The following KDM6A variants were observed in gnomAD, a reference collection of about 807,000 sequenced individuals.
KDM6A encodes lysine demethylase 6A.
KDM6A carries 11 observed loss-of-function variants against 117.6 expected under a neutral mutation model. The observed-to-expected ratio is 0.09, with a 90% confidence interval of 0.06 to 0.15. The LOEUF (loss-of-function observed/expected upper bound fraction) is 0.15, where lower values mean the gene tolerates loss of function less well. Ranked by LOEUF, KDM6A falls within the 10% of genes least tolerant of loss-of-function variation. KDM6A has a pLI of 1.00. For synonymous variants in KDM6A, 384 were observed against 396.1 expected (o/e 0.97, Z 0.36); for missense variants, 799 against 1,077.3 (o/e 0.74, Z 3.62).
intron 2 of KDM6A, among the ~76,000 whole-genome samples, chrX:44,888,383 GTT>G (rs1488687221): frequency 2.7e-5 from 3 of 112,232 alleles, no homozygotes; most frequent in Non-Finnish European, 5.6e-5. Context: ...TGTTTCACCA[GTT>G]TTGCCGTTTC....
At chrX:44,923,447 T>A (rs1969685326) in intron 2 of KDM6A, among the ~76,000 whole-genome samples, 1 of 109,531 alleles carries the variant, frequency 9.1e-6, no homozygotes, top group Non-Finnish European at 1.9e-5. Context: ...TCAGTCTTTT[T>A]CTTTGCTGTA....
chrX:45,002,856 T>TCCCCCCCCC (rs1165393624), intron 4 of KDM6A, among the ~76,000 whole-genome samples: 1 of 28,890 alleles, frequency 3.5e-5, no homozygotes, highest in African/African-American at 1.6e-4. Flanking sequence ...ATTCTTCCCC[T>TCCCCCCCCC]CCCCGCCCCC....
At position 44,961,329 on chromosome X, in the gene KDM6A, G is replaced by C. The variant is rs781622337; in HGVS notation, c.271G>C (p.Val91Leu). The C allele has an allele frequency of 8.3e-7, 1 of 1,204,289 alleles. No homozygotes were observed. Among genetic ancestry groups the C allele is most frequent in the African/African-American group, 1.8e-5 (1 of 57,104 alleles). Residue 91 changes from valine to leucine, a missense_variant, in exon 3 of 30, where the codon GTG becomes CTG. Physicochemically the swap from Val to Leu is conservative, Grantham distance 32 (BLOSUM62 1). Around this residue, in one of 8 missense-constraint regions of KDM6A, gnomAD observed 89 missense variants for 117.8 expected, o/e 0.76. Coordinates refer to ENST00000611820, the MANE Select transcript of KDM6A (RefSeq NM_001291415.2). ...TCTAATCTTAAAAGCTGAAGGAAAAGTGGAGTCTGATTTCTTTTGTCAATT... is the reference window on the plus strand; with the variant it reads ...TCTAATCTTAAAAGCTGAAGGAAAACTGGAGTCTGATTTCTTTTGTCAATT... ...ESLILKAEGK[V>L]ESDFFCQLGH...
rs1383220853 is a variant in KDM6A at position 45,110,056 on chromosome X, C to T, written c.4162-23C>T. 6 of 1,188,444 alleles carry T rather than the reference C, an allele frequency of 5.0e-6. No individual in the cohort carries two copies. In the Admixed American group the frequency reaches 6.5e-5, roughly 13 times the overall value. On this transcript the variant is annotated intron_variant, in intron 28 of 29. Transcript: ENST00000611820. ...TAAATACCACTATCTCTATTGAATA[C>T]GTTTTTCTCTTGTATAAAACAGGTG...
At position 44,873,973 on chromosome X, in the gene KDM6A, G is replaced by A. The variant is rs2031158793; in HGVS notation, c.211G>A (p.Ala71Thr). The change falls in exon 2 of 30, where the codon GCC becomes ACC. Residue 71 changes from alanine to threonine, a missense_variant. Physicochemically the swap from Ala to Thr is moderately conservative, Grantham distance 58 (BLOSUM62 0). Transcript: ENST00000611820. ...TCATGAAGATGGCGCCAGGACGAAG[G>A]CCCTACTGGGCAAGGTAAGGCAGCT... ...RFHEDGARTK[A>T]LLGKAVRCYE... The A allele has an allele frequency of 1.7e-6, 2 of 1,209,582 alleles. No homozygotes were observed. Among genetic ancestry groups the A allele is most frequent in the African/African-American group, 1.7e-5 (1 of 57,435 alleles).
chrX:45,020,743 G>A lies in KDM6A; in HGVS notation c.564+13G>A. The A allele has an allele frequency of 1.7e-6, 2 of 1,202,386 alleles. No individual in the cohort carries two copies. The highest frequency in any genetic ancestry group is 1.1e-6 in the Non-Finnish European group (1 of 888,807). ...GTCTAGTTTAAAGGTAGGTTGTTGG[G>A]TTTTTTCAAGATACAATGTTTAATT... On this transcript the variant is annotated intron_variant, in intron 6 of 29. Coordinates refer to ENST00000611820, the MANE Select transcript of KDM6A (RefSeq NM_001291415.2).
At chrX:44,939,358 A>T (rs542256115) in intron 2 of KDM6A, among the ~76,000 whole-genome samples, 1 of 112,266 alleles carries the variant, frequency 8.9e-6, no homozygotes, top group Middle Eastern at 4.6e-3. Flanking sequence ...ACTTGAGTAG[A>T]AGTAGTAAAT....
intron 4 of KDM6A, among the ~76,000 whole-genome samples, chrX:44,992,864 C>A (rs1462317101): frequency 9.0e-6 from 1 of 111,376 alleles, no homozygotes; most frequent in Non-Finnish European, 1.9e-5. Context: ...TTGTTTAAAT[C>A]TTTGGAGCAA....
At chrX:44,894,536 C>T (rs1203323944) in intron 2 of KDM6A, among the ~76,000 whole-genome samples, 1 of 109,963 alleles carries the variant, frequency 9.1e-6, no homozygotes, top group Admixed American at 9.8e-5. Flanking sequence ...CTGTAGTGTT[C>T]TCTTTGTTTT....
intron 3 of KDM6A, among the ~76,000 whole-genome samples, chrX:44,972,421 A>T (rs2039398292): frequency 9.0e-6 from 1 of 110,764 alleles, no homozygotes; most frequent in South Asian, 3.9e-4. Flanking sequence ...CCACTGATAA[A>T]AGTATCCCTG....
At chrX:45,051,079 G>C (rs1401369888) in intron 8 of KDM6A, among the ~76,000 whole-genome samples, 3 of 111,211 alleles carry the variant, frequency 2.7e-5, no homozygotes, top group African/African-American at 9.8e-5. Context: ...GTGCAATCTC[G>C]GCTCACCGCA....
In KDM6A at chrX:44,921,275, C is replaced by T. The variant is rs2035919532; in HGVS notation, c.226-40009C>T. 2.7e-5 allele frequency among the ~76,000 whole-genome samples: 3 copies of T among 111,879 alleles called. No homozygotes were observed. The South Asian group carries it at 1.1e-3, about 41-fold the overall frequency. On this transcript the variant is annotated intron_variant, in intron 2 of 29. Transcript: ENST00000611820. ...CGGGGAGGTCTTGTGCACTCTTTAC[C>T]CAACTTTCCCCAATGTTAGCATCTT...
intron 2 of KDM6A, among the ~76,000 whole-genome samples, chrX:44,883,766 C>T (rs892534505): frequency 9.0e-6 from 1 of 111,200 alleles, no homozygotes. Context: ...AGAAATTTAC[C>T]AGACATGTAG....
chrX:44,898,762 C>T (rs745359064), intron 2 of KDM6A, among the ~76,000 whole-genome samples: 2 of 110,875 alleles, frequency 1.8e-5, no homozygotes, highest in African/African-American at 6.6e-5. Context: ...TGGAGCACCC[C>T]TGTGTGGGGG....
intron 8 of KDM6A, among the ~76,000 whole-genome samples, chrX:45,040,474 G>A (rs1378184394): frequency 2.2e-4 from 18 of 83,307 alleles, no homozygotes; most frequent in Non-Finnish European, 2.2e-4. Flanking sequence ...CCTCCCGGAT[G>A]GGGCGGCTGG....
chrX:45,098,270 A>G, intron 27 of KDM6A, among the ~76,000 whole-genome samples: 1 of 112,505 alleles, frequency 8.9e-6, no homozygotes, highest in Middle Eastern at 4.6e-3. Context: ...ATAATGGTCA[A>G]ATTTGCATGT....
chrX:45,045,170 A>C (rs983899051), intron 8 of KDM6A, among the ~76,000 whole-genome samples: 8 of 111,769 alleles, frequency 7.2e-5, no homozygotes, highest in Admixed American at 4.8e-4. Flanking sequence ...ATTCATCACT[A>C]AAACTATTTC....
chrX:45,026,937 T>C (rs768445957), intron 6 of KDM6A, among the ~76,000 whole-genome samples: 1 of 112,133 alleles, frequency 8.9e-6, no homozygotes, highest in Admixed American at 9.5e-5. Flanking sequence ...CTTATGTTTC[T>C]AGAATATTTG....
chrX:45,097,188 A>G (rs1042741105), intron 27 of KDM6A, among the ~76,000 whole-genome samples: 1 of 110,459 alleles, frequency 9.1e-6, no homozygotes, highest in Admixed American at 9.7e-5. Flanking sequence ...GAGGGGAACA[A>G]CAGACACTGG....
Sources: gnomAD v4.1 joint callset for allele counts (sites outside exome capture counted in the v4.1 genomes callset) on GRCh38, gnomAD v4.1.1 for gene constraint, gnomAD v4.1.1 regional missense constraint, MANE v1.5 for transcripts, NCBI Gene and HGNC (gene_info 2026-07-23, HGNC 2026-07-21) for gene names.